Variants in SCLT1 observed in about 807,000 individuals in gnomAD.
SCLT1 encodes the protein sodium channel and clathrin linker 1.
Under a neutral mutation model 112.8 loss-of-function variants are expected in SCLT1, and 78 were observed. The observed-to-expected ratio is 0.69, with a 90% CI of 0.58 to 0.83. SCLT1 has a LOEUF of 0.83. Among genes scored for constraint, SCLT1 ranks in the 40% least tolerant of loss-of-function variants. The pLI is 0.00. For synonymous variants in SCLT1, 257 were observed against 254.7 expected (o/e 1.01, Z -0.09); for missense variants, 747 against 770.4 (o/e 0.97, Z 0.36).
chr4:128,971,509 A>G (rs1740687002), intron 9 of SCLT1: 1 of 152,138 alleles, frequency 6.6e-6, no homozygotes, highest in South Asian at 2.1e-4. Context: ...GACACTCGAT[A>G]ATAACTGTGA....
At chr4:128,896,599 C>T (rs1413974216) in intron 18 of SCLT1, among the ~76,000 whole-genome samples, 4 of 152,144 alleles carry the variant, frequency 2.6e-5, no homozygotes, top group Non-Finnish European at 2.9e-5. Context: ...AAACTGGAAA[C>T]TCTAAAAATC....
chr4:129,057,409 C>CTTTTT (rs35098310), intron 2 of SCLT1, among the ~76,000 whole-genome samples: 2 of 132,622 alleles, frequency 1.5e-5, no homozygotes, highest in Non-Finnish European at 1.6e-5. Context: ...TAATATTATT[C>CTTTTT]TTTTTTTTTT....
chr4:128,924,204 C>A (rs1736113954), intron 18 of SCLT1, among the ~76,000 whole-genome samples: 1 of 151,732 alleles, frequency 6.6e-6, no homozygotes, highest in Non-Finnish European at 1.5e-5. Context: ...TTTTTTCTCA[C>A]AGTCTTTTTT....
At chr4:128,982,121 T>C (rs1055840619) in intron 9 of SCLT1, among the ~76,000 whole-genome samples, 2 of 152,278 alleles carry the variant, frequency 1.3e-5, no homozygotes, top group East Asian at 3.9e-4. Context: ...AATTGGATGG[T>C]ACAATTCACA....
chr4:128,926,152 T>G (rs1736281409), intron 18 of SCLT1, among the ~76,000 whole-genome samples: 1 of 152,138 alleles, frequency 6.6e-6, no homozygotes, highest in Non-Finnish European at 1.5e-5. Context: ...TTGTTGGATT[T>G]GTTCTGGCAG....
intron 2 of SCLT1, among the ~76,000 whole-genome samples, chr4:129,079,461 G>C (rs1180099028): frequency 1.3e-5 from 2 of 152,160 alleles, no homozygotes; most frequent in African/African-American, 4.8e-5. Context: ...AACCCAGAAG[G>C]GCAGTCATTA....
chr4:128,892,529 A>G (rs1733408372), intron 18 of SCLT1, among the ~76,000 whole-genome samples: 1 of 152,180 alleles, frequency 6.6e-6, no homozygotes, highest in African/African-American at 2.4e-5. Flanking sequence ...TTTTTTTCAA[A>G]TGAGCCAGCA....
intron 2 of SCLT1, among the ~76,000 whole-genome samples, chr4:129,048,098 G>T (rs1433607035): frequency 6.6e-6 from 1 of 152,062 alleles, no homozygotes; most frequent in Non-Finnish European, 1.5e-5. Flanking sequence ...TTGTCCACCA[G>T]TTTCATAGTG....
chr4:128,931,945 T>A (rs1406232457), intron 18 of SCLT1, among the ~76,000 whole-genome samples: 5 of 91,748 alleles, frequency 5.4e-5, no homozygotes. Context: ...TATATTTCTA[T>A]CCCTTTTTTT....
intron 18 of SCLT1, among the ~76,000 whole-genome samples, chr4:128,920,259 T>C (rs1405930596): frequency 6.6e-6 from 1 of 152,148 alleles, no homozygotes; most frequent in Admixed American, 6.5e-5. Flanking sequence ...AATCAAGAAA[T>C]GTGATTCACC....
chr4:129,049,542 A>C (rs1208247129), intron 2 of SCLT1, among the ~76,000 whole-genome samples: 9 of 150,034 alleles, frequency 6.0e-5, no homozygotes, highest in Middle Eastern at 3.4e-3. Context: ...TGACGAGTTA[A>C]TGTGTGCAGC....
intron 18 of SCLT1, among the ~76,000 whole-genome samples, chr4:128,923,359 C>T (rs977745206): frequency 5.4e-5 from 8 of 149,210 alleles, no homozygotes; most frequent in African/African-American, 1.7e-4. Context: ...GCAGAAGAAT[C>T]GCTTGAACCC....
At chr4:129,063,689 T>G (rs971679852) in intron 2 of SCLT1, among the ~76,000 whole-genome samples, 1 of 152,062 alleles carries the variant, frequency 6.6e-6, no homozygotes, top group South Asian at 2.1e-4. Flanking sequence ...GCTGATAGAG[T>G]CTGCAAAGTG....
chr4:129,084,687 G>A (rs1752245074), intron 1 of SCLT1, among the ~76,000 whole-genome samples: 1 of 152,062 alleles, frequency 6.6e-6, no homozygotes, highest in Non-Finnish European at 1.5e-5. Context: ...ATAGGCCAAT[G>A]GAACATAATA....
rs747136755 is a variant in SCLT1, at chr4:129,082,384, C to T, written c.35-11G>A. On this transcript the variant is annotated splice_polypyrimidine_tract_variant and intron_variant, in intron 1 of 20. Coordinates refer to ENST00000281142, the MANE Select transcript of SCLT1 (RefSeq NM_144643.4). ...CATTTAGTCTTCGATCTGAAACAAG[C>T]GGGAAAACAGATTTCAGTTCATTGA... 76 of 1,564,082 alleles carry T rather than the reference C, an allele frequency of 4.9e-5. No individual in the cohort carries two copies. Among genetic ancestry groups the T allele is most frequent in the Middle Eastern group, 1.7e-4 (1 of 5,928 alleles).
At chr4:129,061,939 T>C (rs1750017751) in intron 2 of SCLT1, among the ~76,000 whole-genome samples, 1 of 152,162 alleles carries the variant, frequency 6.6e-6, no homozygotes, top group Non-Finnish European at 1.5e-5. Flanking sequence ...GACTCTAGGT[T>C]GCTCCCTCAG....
At position 128,948,561 on chromosome 4, in the gene SCLT1, C is replaced by T. The variant is rs765836493; in HGVS notation, c.1228G>A (p.Glu410Lys). 2.5e-6 allele frequency: 4 copies of T among 1,600,768 alleles called. No individual in the cohort carries two copies. The highest frequency in any genetic ancestry group is 1.1e-5 in the South Asian group (1 of 90,604). ...ELSALQMECA[E>K]KQGQIERVIK... is the part of the protein sequence containing the mutation. Reference sequence around the variant, plus strand: ...ACTCGTTCAATTTGGCCTTGTTTTTCAGCACACTCCTATAAATTCAAGTCA... The same window carrying T: ...ACTCGTTCAATTTGGCCTTGTTTTTTAGCACACTCCTATAAATTCAAGTCA... Residue 410 changes from glutamate (E) to lysine (K), a missense_variant, in exon 15 of 21, where the codon GAA becomes AAA. Physicochemically the swap from Glu to Lys is moderately conservative, Grantham distance 56. Around this residue, in one of 2 missense-constraint regions of SCLT1, gnomAD observed 723 missense variants for 721.3 expected, o/e 1.00. Coordinates refer to ENST00000281142, the MANE Select transcript of SCLT1 (RefSeq NM_144643.4).
intron 18 of SCLT1, among the ~76,000 whole-genome samples, chr4:128,895,629 T>C (rs1733681616): frequency 6.6e-6 from 1 of 152,148 alleles, no homozygotes; most frequent in South Asian, 2.1e-4. Flanking sequence ...AGATGGGTGA[T>C]TTCTGCATTT....
At chr4:129,079,892 C>T (rs375820210) in intron 2 of SCLT1, among the ~76,000 whole-genome samples, 1 of 152,278 alleles carries the variant, frequency 6.6e-6, no homozygotes, top group African/African-American at 2.4e-5. Flanking sequence ...CAGGCCTCAA[C>T]TCTTGCCCTC....
Sources: allele counts gnomAD v4.1 joint callset (sites outside exome capture counted in the v4.1 genomes callset), GRCh38; gene constraint gnomAD v4.1.1; regional missense constraint gnomAD v4.1.1; transcripts MANE v1.5; gene names NCBI Gene and HGNC (gene_info 2026-07-23, HGNC 2026-07-21).